SDK1: variants seen among roughly 807,000 people sequenced by gnomAD.
SDK1 encodes protein sidekick-1.
In SDK1, 157 loss-of-function variants were observed where a neutral mutation model predicts 245.5. The ratio of observed to expected loss-of-function variants is 0.64; its 90% confidence interval spans 0.56 to 0.73. The LOEUF is 0.73. Ranked by LOEUF, SDK1 falls within the 30% of genes least tolerant of loss-of-function variation. The probability of loss-of-function intolerance (pLI) is 0.00; values close to 1 mark genes in which losing one functional copy is unlikely to be tolerated. For missense variants in SDK1, 3,583 were observed against 3,002.3 expected (o/e 1.19, Z -4.52); for synonymous variants, 1,647 against 1,278.5 (o/e 1.29, Z -6.15).
At chr7:4,177,806 C>T (rs1183949774) in intron 34 of SDK1, among the ~76,000 whole-genome samples, 1 of 152,178 alleles carries the variant, frequency 6.6e-6, no homozygotes, top group Non-Finnish European at 1.5e-5. Flanking sequence ...CTACAACTCA[C>T]CATCACGTAG....
intron 28 of SDK1, chr7:4,134,695 C>T (rs549140773): frequency 1.3e-5 from 2 of 152,552 alleles, no homozygotes; most frequent in South Asian, 4.1e-4. Flanking sequence ...CCTCGGTAGA[C>T]CCTCCCGGCA....
intron 4 of SDK1, among the ~76,000 whole-genome samples, chr7:3,713,348 C>G (rs1314248794): frequency 6.6e-6 from 1 of 152,096 alleles, no homozygotes; most frequent in African/African-American, 2.4e-5. Context: ...AAATCCTATT[C>G]CTCAAGAAAA....
intron 14 of SDK1, among the ~76,000 whole-genome samples, chr7:3,990,336 C>T (rs1025875064): frequency 6.6e-6 from 1 of 152,222 alleles, no homozygotes; most frequent in Non-Finnish European, 1.5e-5. Flanking sequence ...TGCGGGGGGC[C>T]TCTGCAACTC....
chr7:3,604,425 C>G (rs1017401291), intron 1 of SDK1, among the ~76,000 whole-genome samples: 8 of 152,068 alleles, frequency 5.3e-5, no homozygotes, highest in Non-Finnish European at 8.8e-5. Context: ...GGGTTATTGA[C>G]TTCAGGCTTT....
chr7:3,836,986 G>A (rs980459228), intron 5 of SDK1, among the ~76,000 whole-genome samples: 6 of 152,090 alleles, frequency 3.9e-5, no homozygotes, highest in Admixed American at 2.0e-4. Context: ...GAAGGGAGGC[G>A]AGCTTTAGAG....
chr7:4,235,312 T>C (rs900724785), intron 41 of SDK1, among the ~76,000 whole-genome samples: 2 of 152,156 alleles, frequency 1.3e-5, no homozygotes, highest in African/African-American at 2.4e-5. Context: ...TACAAGCATG[T>C]GCCACCACGC....
At chr7:3,556,555 C>G (rs553465033) in intron 1 of SDK1, among the ~76,000 whole-genome samples, 144 of 152,056 alleles carry the variant, frequency 9.5e-4, no homozygotes, top group Non-Finnish European at 1.8e-3. Flanking sequence ...TGTGGTGGCT[C>G]ACACCTTGTA....
chr7:3,612,881 G>A (rs988048556), intron 1 of SDK1, among the ~76,000 whole-genome samples: 3 of 152,186 alleles, frequency 2.0e-5, no homozygotes, highest in Admixed American at 6.5e-5. Context: ...ACCGGGACAC[G>A]TGGACTTTGT....
At chr7:4,138,392 T>G (rs1779235531) in intron 28 of SDK1, among the ~76,000 whole-genome samples, 1 of 152,116 alleles carries the variant, frequency 6.6e-6, no homozygotes, top group Non-Finnish European at 1.5e-5. Context: ...AATCGCAGAA[T>G]GAAAAACTCA....
chr7:3,558,628 C>T (rs543166094), intron 1 of SDK1, among the ~76,000 whole-genome samples: 1 of 152,200 alleles, frequency 6.6e-6, no homozygotes, highest in Admixed American at 6.5e-5. Context: ...AGGGGCAATG[C>T]AGACACAGCT....
intron 4 of SDK1, among the ~76,000 whole-genome samples, chr7:3,738,631 T>C (rs1310775991): frequency 6.6e-6 from 1 of 152,216 alleles, no homozygotes; most frequent in Non-Finnish European, 1.5e-5. Flanking sequence ...TTGGGAAGTA[T>C]TGACATCGTA....
At chr7:4,109,023 G>A (rs1783145586) in intron 22 of SDK1, among the ~76,000 whole-genome samples, 1 of 152,174 alleles carries the variant, frequency 6.6e-6, no homozygotes, top group South Asian at 2.1e-4. Context: ...CCTTTCTATG[G>A]CTGAATCCTG....
Position 4,241,928 on chromosome 7 carries a change from C to G in SDK1, c.6251+15C>G. The G allele has an allele frequency of 2.5e-6, 4 of 1,610,690 alleles. No individual in the cohort carries two copies. Among genetic ancestry groups the G allele is most frequent in the Non-Finnish European group, 3.4e-6 (4 of 1,179,822 alleles). On this transcript the variant is annotated intron_variant, in intron 43 of 44. Coordinates refer to ENST00000404826, the MANE Select transcript of SDK1 (RefSeq NM_152744.4). The stretch of plus-strand genomic sequence containing the variant: ...AACGGGACCAGGTAGGCAGGCAGTG[C>G]TGTGCTGCGCCCACCTGGGGATCTG...
intron 1 of SDK1, among the ~76,000 whole-genome samples, chr7:3,528,409 T>C (rs58028517): frequency 6.6e-6 from 1 of 151,686 alleles, no homozygotes; most frequent in African/African-American, 2.4e-5. Context: ...CCTGGAAAGG[T>C]AGCAGAAGTG....
chr7:3,659,529 C>T (rs1308345388), intron 4 of SDK1, among the ~76,000 whole-genome samples: 2 of 152,158 alleles, frequency 1.3e-5, no homozygotes, highest in East Asian at 1.9e-4. Flanking sequence ...GTTCCAAGGC[C>T]GAAAGGGGGC....
chr7:4,131,328 G>A (rs1784801580), intron 27 of SDK1, among the ~76,000 whole-genome samples: 1 of 152,204 alleles, frequency 6.6e-6, no homozygotes, highest in African/African-American at 2.4e-5. Context: ...AACAGCCTGG[G>A]AGAGGGCTCA....
intron 4 of SDK1, among the ~76,000 whole-genome samples, chr7:3,733,541 T>C (rs1165350551): frequency 2.0e-5 from 3 of 152,172 alleles, no homozygotes; most frequent in Non-Finnish European, 4.4e-5. Context: ...ACTGTAGACG[T>C]GTGGCAGGCA....
intron 4 of SDK1, among the ~76,000 whole-genome samples, chr7:3,780,836 G>T (rs1780709277): frequency 1.3e-5 from 2 of 151,994 alleles, no homozygotes; most frequent in South Asian, 4.1e-4. Context: ...CAAAAAGCCT[G>T]CCCAATGACC....
intron 1 of SDK1, among the ~76,000 whole-genome samples, chr7:3,536,936 C>G (rs1778905975): frequency 6.6e-6 from 1 of 152,096 alleles, no homozygotes; most frequent in East Asian, 1.9e-4. Flanking sequence ...TCTTTATTGA[C>G]TATTAAATCA....
Sources: allele counts gnomAD v4.1 joint callset (sites outside exome capture counted in the v4.1 genomes callset), GRCh38; gene constraint gnomAD v4.1.1; transcripts MANE v1.5; gene names NCBI Gene and HGNC (gene_info 2026-07-23, HGNC 2026-07-21).